Variants in SLC26A5 observed in about 807,000 individuals in gnomAD.
The protein encoded by SLC26A5 is prestin.
Under a neutral mutation model 81.0 loss-of-function variants are expected in SLC26A5, and 51 were observed. The observed-to-expected ratio is 0.63, with a 90% confidence interval of 0.50 to 0.80. The LOEUF is 0.80. SLC26A5 is among the 30% of genes least tolerant of loss of function. SLC26A5 has a pLI of 0.00. For missense variants in SLC26A5, 771 were observed against 905.8 expected (o/e 0.85, Z 1.91); for synonymous variants, 325 against 332.8 (o/e 0.98, Z 0.25).
chr7:103,361,244 G>A (rs113570988), intron 19 of SLC26A5, among the ~76,000 whole-genome samples: 15 of 152,012 alleles, frequency 9.9e-5, no homozygotes, highest in African/African-American at 3.6e-4. Flanking sequence ...AGCACTTTGG[G>A]AAGCTGAGGC....
chr7:103,359,138 CTTTTTTTTTTTTTT>C (rs35936603), intron 19 of SLC26A5, among the ~76,000 whole-genome samples: 25 of 31,336 alleles, frequency 8.0e-4, no homozygotes, highest in Admixed American at 1.3e-3. Flanking sequence ...CCATGTCTGG[CTTTTTTTTTTTTTT>C]TTTTTTTTTT....
intron 2 of SLC26A5, among the ~76,000 whole-genome samples, chr7:103,441,655 A>G (rs1226007582): frequency 6.6e-6 from 1 of 152,128 alleles, no homozygotes; most frequent in Non-Finnish European, 1.5e-5. Context: ...TCAAGGAGAA[A>G]ATTTCAAGAG....
chr7:103,426,329 G>C (rs2190422), intron 2 of SLC26A5, among the ~76,000 whole-genome samples: 57,784 of 152,068 alleles, frequency 0.38, 13,570 homozygotes, highest in African/African-American at 0.67. Context: ...ATTTTCTAAA[G>C]CATTAAGATA....
rs190938118 is a variant in SLC26A5, at chr7:103,411,405, A to T, written c.570+15T>A. 1 of 1,613,902 alleles carries T rather than the reference A, an allele frequency of 6.2e-7. No homozygotes were observed. Among genetic ancestry groups the T allele is most frequent in the East Asian group, 2.2e-5 (1 of 44,872 alleles). ...AACAAACGAGACAGTCCATTTCCCC[A>T]TCTTTGAGCCTTACCTGAATGATTC... On this transcript the variant is annotated intron_variant, in intron 6 of 19. Transcript: ENST00000306312.
intron 12 of SLC26A5, 93 bp from the exon 13 acceptor site, chr7:103,389,517 C>G (rs570386851): frequency 1.1e-6 from 1 of 892,704 alleles, no homozygotes; most frequent in Non-Finnish European, 1.9e-6. Context: ...CCTCCCCATG[C>G]CTTCTCCCTA....
At chr7:103,354,058 C>A in intron 19 of SLC26A5, 33 of 916,380 alleles carry the variant, frequency 3.6e-5, no homozygotes, top group East Asian at 8.5e-5. Flanking sequence ...GTTAAGAAAC[C>A]AAAAATTAAA....
Position 103,367,827 on chromosome 7 carries a change from G to A in SLC26A5, c.2041+8981C>T. The A allele has an allele frequency of 6.2e-7, 1 of 1,611,878 alleles. No individual in the cohort carries two copies. The highest frequency in any genetic ancestry group is 8.5e-7 in the Non-Finnish European group (1 of 1,179,068). On this transcript the variant is annotated intron_variant, in intron 19 of 19. Transcript: ENST00000339444. This position sits in a 1 kb window ranked among gnomAD's most constrained non-coding sequence, Gnocchi z 6.1. ...TAGCACTGGTAAGTAGAAAGTTCTT[G>A]CTTATATTTGCTGGTCTGTCTGCTC...
chr7:103,441,388 C>G (rs2116871279), intron 2 of SLC26A5, among the ~76,000 whole-genome samples: 1 of 152,110 alleles, frequency 6.6e-6, no homozygotes, highest in Non-Finnish European at 1.5e-5. Context: ...AAGAATTTTC[C>G]AAGTGTGAAA....
rs1442932231 is a variant in SLC26A5 at position 103,377,738 on chromosome 7, T to C, written c.1847A>G (p.Tyr616Cys). Reference sequence around the variant, plus strand: ...TGTGCTTTTGATCACTATTGGGGGATATTTTACTTCACCATCCTCTTCTTC... The same window carrying C: ...TGTGCTTTTGATCACTATTGGGGGACATTTTACTTCACCATCCTCTTCTTC... ...KPEEEDGEVK[Y>C]PPIVIKSTFP... The change falls in exon 18 of 20, where the codon TAT (tyrosine) becomes TGT (cysteine). Residue 616 changes from tyrosine to cysteine, a missense_variant. Coordinates refer to ENST00000306312, the MANE Select transcript of SLC26A5 (RefSeq NM_198999.3). The C allele has an allele frequency of 1.2e-6, 2 of 1,614,050 alleles. No homozygotes were observed. Among genetic ancestry groups the C allele is most frequent in the Non-Finnish European group, 1.7e-6 (2 of 1,180,034 alleles).
chr7:103,352,960 T>C, intron 19 of SLC26A5: 1 of 780,700 alleles, frequency 1.3e-6, no homozygotes, highest in Non-Finnish European at 2.4e-6. Flanking sequence ...TTGTTCTTAG[T>C]TGTGAACTTA....
At chr7:103,432,700 T>C (rs1474289552) in intron 2 of SLC26A5, among the ~76,000 whole-genome samples, 1 of 152,084 alleles carries the variant, frequency 6.6e-6, no homozygotes, top group African/African-American at 2.4e-5. Flanking sequence ...CTTCTGCTTG[T>C]TCTGTTTGCT....
chr7:103,384,264 T>C (rs1283039902), intron 14 of SLC26A5, among the ~76,000 whole-genome samples: 1 of 151,958 alleles, frequency 6.6e-6, no homozygotes, highest in Non-Finnish European at 1.5e-5. Flanking sequence ...ATTATGGGCA[T>C]GAGATGAGAC....
intron 19 of SLC26A5, chr7:103,364,411 T>A: frequency 7.6e-7 from 1 of 1,320,878 alleles, no homozygotes; most frequent in Non-Finnish European, 1.0e-6. Context: ...ACCTGAAATT[T>A]CTTTTTTCTT....
chr7:103,384,121 ACT>A, intron 14 of SLC26A5, among the ~76,000 whole-genome samples: 1 of 151,262 alleles, frequency 6.6e-6, no homozygotes, highest in Non-Finnish European at 1.5e-5. Context: ...GCAAAGTAAA[ACT>A]CTGTCTCTAA....
intron 19 of SLC26A5, chr7:103,363,194 T>C: frequency 3.3e-6 from 2 of 601,412 alleles, no homozygotes; most frequent in Non-Finnish European, 5.9e-6. Flanking sequence ...ATACAGCAAG[T>C]AGTTCCAGGG....
intron 19 of SLC26A5, chr7:103,364,432 A>T: frequency 1.5e-5 from 16 of 1,073,958 alleles, no homozygotes; most frequent in Non-Finnish European, 2.0e-5. Flanking sequence ...TTGTTGAGAC[A>T]GAGTCTCATT....
intron 7 of SLC26A5, among the ~76,000 whole-genome samples, chr7:103,409,434 T>C (rs2116634873): frequency 6.6e-6 from 1 of 152,334 alleles, no homozygotes; most frequent in Non-Finnish European, 1.5e-5. Flanking sequence ...TTTAGAAATG[T>C]TTTTTGGTTT....
At chr7:103,385,490 T>C (rs1822115686) in intron 14 of SLC26A5, among the ~76,000 whole-genome samples, 2 of 152,052 alleles carry the variant, frequency 1.3e-5, no homozygotes, top group South Asian at 2.1e-4. Flanking sequence ...CCAAACCCAG[T>C]GCACCTCTAC....
intron 2 of SLC26A5, among the ~76,000 whole-genome samples, chr7:103,425,161 T>C (rs748154179): frequency 2.0e-5 from 3 of 152,196 alleles, no homozygotes; most frequent in Non-Finnish European, 2.9e-5. Context: ...CCCTTATTTC[T>C]CCTTCTCCCA....
Sources: gnomAD v4.1 joint callset for allele counts (sites outside exome capture counted in the v4.1 genomes callset) on GRCh38, gnomAD v4.1.1 for gene constraint, Gnocchi (gnomAD v3.1) non-coding constraint, MANE v1.5 for transcripts, NCBI Gene and HGNC (gene_info 2026-07-23, HGNC 2026-07-21) for gene names.